The following SPOCK3 variants were observed in gnomAD, a reference collection of about 807,000 sequenced individuals.
SPOCK3 encodes SPARC (osteonectin), cwcv and kazal like domains proteoglycan 3, also known as testican-3.
Under a neutral mutation model 56.6 loss-of-function variants are expected in SPOCK3, and 30 were observed. That is an observed-to-expected ratio of 0.53 (90% CI 0.40 to 0.72). SPOCK3 has a LOEUF of 0.72. SPOCK3 is among the 30% of genes least tolerant of loss of function. The pLI, the probability that SPOCK3 is intolerant of heterozygous loss-of-function variation, is 0.00. For synonymous variants in SPOCK3, 196 were observed against 183.3 expected, an observed-to-expected ratio of 1.07 and a Z score of -0.56; for missense variants, 527 against 530.0, an observed-to-expected ratio of 0.99 and a Z score of 0.06.
At chr4:167,192,261 C>T (rs1228208496) in intron 2 of SPOCK3, among the ~76,000 whole-genome samples, 3 of 145,822 alleles carry the variant, frequency 2.1e-5, no homozygotes, top group African/African-American at 5.2e-5. Flanking sequence ...ATTTCCTCTT[C>T]TGGCTTTGGT....
intron 6 of SPOCK3, among the ~76,000 whole-genome samples, chr4:166,853,348 A>G (rs1730330658): frequency 6.6e-6 from 1 of 152,228 alleles, no homozygotes; most frequent in South Asian, 2.1e-4. Context: ...GTTTACATCA[A>G]TTTTATAACA....
intron 2 of SPOCK3, among the ~76,000 whole-genome samples, chr4:167,108,119 A>T (rs1760328159): frequency 6.6e-6 from 1 of 151,910 alleles, no homozygotes; most frequent in Non-Finnish European, 1.5e-5. Flanking sequence ...ATCTCACCCC[A>T]GTTAAAATGG....
chr4:166,982,964 T>C (rs1478657223), intron 4 of SPOCK3, among the ~76,000 whole-genome samples: 2 of 152,182 alleles, frequency 1.3e-5, no homozygotes, highest in African/African-American at 4.8e-5. Context: ...CTGAGGTAAT[T>C]GTTCAATGAG....
intron 4 of SPOCK3, among the ~76,000 whole-genome samples, chr4:166,921,317 T>C (rs886259952): frequency 1.3e-5 from 2 of 151,474 alleles, no homozygotes; most frequent in Admixed American, 6.6e-5. Context: ...TTCAAACATG[T>C]GTTGAATTTT....
At chr4:167,030,738 G>T (rs538492566) in intron 3 of SPOCK3, among the ~76,000 whole-genome samples, 13 of 152,152 alleles carry the variant, frequency 8.5e-5, no homozygotes, top group African/African-American at 2.4e-4. Flanking sequence ...CATGGTTGCT[G>T]AATTCTTGCA....
rs543747011 is a variant in SPOCK3, at chr4:166,812,357, C to T, written c.590-20068G>A. Among the ~76,000 whole-genome samples the T allele has an allele frequency of 2.6e-5, 4 of 151,810 alleles. No individual in the cohort carries two copies. The South Asian group carries it at 8.3e-4, about 32-fold the overall frequency. On this transcript the variant is annotated intron_variant, in intron 6 of 10. Transcript: ENST00000357545. ...AATTTAAATTTAAACTATAATCGGG[C>T]TTATATGAAAAGTAAAGTTAACATA...
At chr4:167,065,056 A>AAAAAAAAAAAAAAAAAAAAAAAAAC (rs1755990539) in intron 2 of SPOCK3, among the ~76,000 whole-genome samples, 1 of 142,820 alleles carries the variant, frequency 7.0e-6, no homozygotes, top group Non-Finnish European at 1.6e-5. Context: ...AAAAAAAAAA[A>AAAAAAAAAAAAAAAAAAAAAAAAAC]AAAAGTCAAA....
At chr4:167,105,569 A>G (rs1760049896) in intron 2 of SPOCK3, among the ~76,000 whole-genome samples, 1 of 113,550 alleles carries the variant, frequency 8.8e-6, no homozygotes. Flanking sequence ...GCAACCAGGA[A>G]AAAAAAAAAT....
At chr4:166,910,709 T>G (rs949914121) in intron 5 of SPOCK3, among the ~76,000 whole-genome samples, 1 of 152,164 alleles carries the variant, frequency 6.6e-6, no homozygotes, top group African/African-American at 2.4e-5. Context: ...CAGAAGCCAG[T>G]AGACTTCTGT....
intron 2 of SPOCK3, among the ~76,000 whole-genome samples, chr4:167,177,173 G>A (rs539313447): frequency 1.4e-4 from 21 of 152,160 alleles, no homozygotes; most frequent in Admixed American, 3.3e-4. Context: ...TTATTGATCC[G>A]TGGCCTGAGT....
intron 2 of SPOCK3, among the ~76,000 whole-genome samples, chr4:167,186,719 G>A (rs558786853): frequency 6.6e-6 from 1 of 151,984 alleles, no homozygotes; most frequent in South Asian, 2.1e-4. Flanking sequence ...GCTCATGCCT[G>A]TAATCACAGT....
At chr4:166,963,316 AATG>A (rs1427324199) in intron 4 of SPOCK3, among the ~76,000 whole-genome samples, 1 of 152,040 alleles carries the variant, frequency 6.6e-6, no homozygotes, top group Admixed American at 6.6e-5. Context: ...GTGAGTGAGC[AATG>A]ATGTTTATTT....
intron 2 of SPOCK3, among the ~76,000 whole-genome samples, chr4:167,228,742 G>A (rs1736841023): frequency 6.6e-6 from 1 of 152,094 alleles, no homozygotes; most frequent in African/African-American, 2.4e-5. Context: ...CTAGCCCTTT[G>A]CTGCTGTGGT....
At chr4:167,076,417 G>A (rs1757189406) in intron 2 of SPOCK3, among the ~76,000 whole-genome samples, 1 of 151,536 alleles carries the variant, frequency 6.6e-6, no homozygotes, top group Admixed American at 6.6e-5. Context: ...GGAAAACTCT[G>A]TACCTTCTGC....
chr4:167,022,354 C>T (rs559852588), intron 3 of SPOCK3, among the ~76,000 whole-genome samples: 34 of 152,136 alleles, frequency 2.2e-4, no homozygotes, highest in Non-Finnish European at 4.4e-4. Flanking sequence ...AAAGCCTGAC[C>T]GGAGTAAACC....
At chr4:166,799,627 G>T (rs1320308238) in intron 6 of SPOCK3, among the ~76,000 whole-genome samples, 1 of 152,144 alleles carries the variant, frequency 6.6e-6, no homozygotes, top group East Asian at 1.9e-4. Context: ...AGAATAGAAG[G>T]TTGCAAAGAC....
intron 2 of SPOCK3, among the ~76,000 whole-genome samples, chr4:167,105,369 A>C (rs2150332979): frequency 6.6e-6 from 1 of 151,240 alleles, no homozygotes; most frequent in African/African-American, 2.4e-5. Context: ...ATCAGTGTTA[A>C]GTTGTTTTCA....
At chr4:166,937,626 T>C (rs934656290) in intron 4 of SPOCK3, among the ~76,000 whole-genome samples, 3 of 149,540 alleles carry the variant, frequency 2.0e-5, no homozygotes, top group African/African-American at 7.3e-5. Context: ...AAAAGAGAAA[T>C]TTCTTCAAGC....
At chr4:167,205,698 T>C (rs1232378814) in intron 2 of SPOCK3, among the ~76,000 whole-genome samples, 2 of 144,582 alleles carry the variant, frequency 1.4e-5, no homozygotes, top group African/African-American at 5.2e-5. Context: ...CTGCAACTTC[T>C]GTCCCCGGGG....
Sources: allele counts gnomAD v4.1 joint callset (sites outside exome capture counted in the v4.1 genomes callset), GRCh38; gene constraint gnomAD v4.1.1; transcripts MANE v1.5; gene names NCBI Gene and HGNC (gene_info 2026-07-23, HGNC 2026-07-21).